The following CLTA variants were observed in gnomAD, a reference collection of about 807,000 sequenced individuals.
CLTA encodes clathrin, light polypeptide (Lca).
CLTA carries 9 observed loss-of-function variants against 26.9 expected under a neutral mutation model. The ratio of observed to expected loss-of-function variants is 0.33; its 90% CI spans 0.20 to 0.58. CLTA has a LOEUF of 0.58. Ranked by LOEUF, CLTA falls within the 20% of genes least tolerant of loss-of-function variation. CLTA has a pLI of 0.85. For synonymous variants in CLTA, 120 were observed against 115.5 expected (o/e 1.04, Z -0.25); for missense variants, 278 against 294.2 (o/e 0.94, Z 0.40).
intron 2 of CLTA, 108 bp downstream of exon 2, chr9:36,197,696 A>G (rs932063275): frequency 3.9e-6 from 3 of 765,152 alleles, no homozygotes; most frequent in Non-Finnish European, 6.5e-6. Flanking sequence ...ACTTTCCTGA[A>G]TGTATTACTG....
Position 36,198,888 on chromosome 9 carries a change from A to C in CLTA, c.256-91A>C, listed in dbSNP as rs537431053. 2.4e-5 allele frequency: 20 copies of C among 845,986 alleles called. No individual in the cohort carries two copies. In the African/African-American group the frequency reaches 2.4e-4, roughly 10 times the overall value. The allele number at this position is 845,986 out of a possible 1,614,324, so 52.4% of individuals were successfully genotyped here. A position where few individuals can be genotyped will look rare whatever the true frequency, so the allele number is the denominator to read the frequency against. On this transcript the variant is annotated intron_variant, in intron 2 of 4. Transcript: ENST00000345519. ...AAACTCTGTCTCAAAAAAAAAAAAA[A>C]AAAACAGAACCAGGGGTTCTAACTC...
intron 1 of CLTA, among the ~76,000 whole-genome samples, chr9:36,197,222 C>CT (rs35928630): frequency 0.028 from 4,242 of 150,218 alleles, 207 homozygotes; most frequent in African/African-American, 0.098. Context: ...CCAGGCCACA[C>CT]TTTTTTTTTT....
intron 3 of CLTA, among the ~76,000 whole-genome samples, chr9:36,199,600 G>A (rs923631970): frequency 2.0e-5 from 3 of 148,316 alleles, no homozygotes; most frequent in East Asian, 2.0e-4. Context: ...ACAGGCGCCC[G>A]CCACTACGTC....
chr9:36,204,174 C>T lies in CLTA; in HGVS notation c.480C>T (p.Asn160=), dbSNP rs1484100572. ...AGCAGCTACAGAAAACAAAAGCAAA[C>T]AACAGGTCAGTCCGTGGTGGTTGTA... ...QDEQLQKTKA[N]NRAAEEAFVN... The change falls in exon 4 of 5, where the codon AAC becomes AAT. Residue 160 remains asparagine (N), a synonymous_variant. Coordinates refer to ENST00000345519, the MANE Select transcript of CLTA (RefSeq NM_001833.4). 6.2e-7 allele frequency: 1 copy of T among 1,613,414 alleles called. No homozygotes were observed. Among genetic ancestry groups the T allele is most frequent in the South Asian group, 1.1e-5 (1 of 90,932 alleles).
chr9:36,201,461 G>T (rs1321184504), intron 3 of CLTA, among the ~76,000 whole-genome samples: 7 of 152,146 alleles, frequency 4.6e-5, no homozygotes, highest in Non-Finnish European at 8.8e-5. Flanking sequence ...AATTAGTATT[G>T]CAGTGGCACT....
At chr9:36,198,328 AC>A (rs752124509) in intron 2 of CLTA, among the ~76,000 whole-genome samples, 1 of 151,576 alleles carries the variant, frequency 6.6e-6, no homozygotes, top group Non-Finnish European at 1.5e-5. Context: ...TCACTGCAGA[AC>A]CCGTTTCTAA....
chr9:36,205,477 G>A (rs1827663042), intron 4 of CLTA, among the ~76,000 whole-genome samples: 1 of 152,136 alleles, frequency 6.6e-6, no homozygotes, highest in Non-Finnish European at 1.5e-5. Context: ...GCCGAGTGGG[G>A]ACTGTGTGCA....
At chr9:36,191,731 G>C (rs572572093) in intron 1 of CLTA, among the ~76,000 whole-genome samples, 70 of 152,328 alleles carry the variant, frequency 4.6e-4, no homozygotes, top group African/African-American at 1.5e-3. Flanking sequence ...AACAAAAGTA[G>C]CAATGCAGTT....
chr9:36,202,480 G>A (rs1423034035), intron 3 of CLTA, among the ~76,000 whole-genome samples: 2 of 152,178 alleles, frequency 1.3e-5, no homozygotes, highest in Non-Finnish European at 2.9e-5. Flanking sequence ...CCAGATCACT[G>A]GTGGTCACGT....
At chr9:36,209,018 G>A (rs1827884839) in intron 4 of CLTA, among the ~76,000 whole-genome samples, 1 of 152,206 alleles carries the variant, frequency 6.6e-6, no homozygotes, top group African/African-American at 2.4e-5. Context: ...TTGCTGGGGT[G>A]AGCCAAAGGG....
rs1828063992 is a variant in CLTA at position 36,211,838 on chromosome 9, A to G, written c.*64A>G. 1 of 1,339,538 alleles carries G rather than the reference A, an allele frequency of 7.5e-7. No homozygotes were observed. Among genetic ancestry groups the G allele is most frequent in the Non-Finnish European group, 1.0e-6 (1 of 958,874 alleles). The allele number at this position is 1,339,538 out of a possible 1,614,324, so 83.0% of individuals were successfully genotyped here. ...AATCCTACTCAGTGAAGCTCTTCACAGTCATTGGATTAATTATGTTGAGTT... is the reference window on the plus strand; with the variant it reads ...AATCCTACTCAGTGAAGCTCTTCACGGTCATTGGATTAATTATGTTGAGTT... On this transcript the variant is annotated 3_prime_UTR_variant, in exon 5 of 5. Coordinates refer to ENST00000345519, the MANE Select transcript of CLTA (RefSeq NM_001833.4).
rs755047437 is a variant in CLTA, at chr9:36,198,990, T to G, written c.267T>G (p.Gly89=). 9 of 1,612,300 alleles carry G rather than the reference T, an allele frequency of 5.6e-6. No individual in the cohort carries two copies. In the East Asian group the frequency reaches 1.6e-4, roughly 28 times the overall value. Residue 89 remains glycine (G), a synonymous_variant, in exon 3 of 5, where the codon GGT becomes GGG. Transcript: ENST00000345519. ...MNGEYYQESN[G]PTDSYAAISQ... ...TGTTTTGTGTTAAGGAAAGTAATGG[T>G]CCAACAGACAGTTATGCAGCTATTT...
At position 36,199,082 on chromosome 9, in the gene CLTA, G is replaced by T. The variant is rs544814204; in HGVS notation, c.359G>T (p.Arg120Leu). The change falls in exon 3 of 5, where the codon CGC becomes CTC. Residue 120 changes from arginine to leucine, a missense_variant. Physicochemically the swap from Arg to Leu is moderately radical, Grantham distance 102 (BLOSUM62 -2). Transcript: ENST00000345519. ...IRKWREEQME[R>L]LEALDANSRK... ...AAATGGAGAGAAGAACAAATGGAAC[G>T]CTTGGAAGCCCTTGGTAAGGAATCC... 6 of 1,611,006 alleles carry T rather than the reference G, an allele frequency of 3.7e-6. No homozygotes were observed. Among genetic ancestry groups the T allele is most frequent in the South Asian group, 3.3e-5 (3 of 91,024 alleles).
In CLTA at chr9:36,197,979, A is replaced by AT. The variant is rs1827151369; in HGVS notation, c.255+393dup. 4.1e-5 allele frequency among the ~76,000 whole-genome samples: 6 copies of AT among 146,496 alleles called. No homozygotes were observed. The South Asian group carries it at 1.3e-3, about 32-fold the overall frequency. On this transcript the variant is annotated intron_variant, in intron 2 of 4. Coordinates refer to ENST00000345519, the MANE Select transcript of CLTA (RefSeq NM_001833.4). ...TGGCATATGGAATAATTTTGTAAAG[A>AT]TTAACATTTATTTGAGTCTTTTTTT...
chr9:36,207,244 G>A (rs1463737022), intron 4 of CLTA, among the ~76,000 whole-genome samples: 1 of 152,220 alleles, frequency 6.6e-6, no homozygotes, highest in Non-Finnish European at 1.5e-5. Context: ...TACAAGAGCT[G>A]TGAATTATTC....
Position 36,197,576 on chromosome 9 carries a change from T to C in CLTA, c.243T>C (p.Gly81=), listed in dbSNP as rs1264070913. The C allele has an allele frequency of 3.1e-6, 5 of 1,610,002 alleles. No individual in the cohort carries two copies. Among genetic ancestry groups the C allele is most frequent in the Non-Finnish European group, 3.4e-6 (4 of 1,177,176 alleles). Residue 81 remains glycine, a synonymous_variant, in exon 2 of 5, where the codon GGT becomes GGC. Transcript: ENST00000345519. The stretch of plus-strand genomic sequence containing the variant: ...ATGCTGTTGATGGAGTAATGAATGG[T>C]GAATACTACCAGGTACAGAGTACTC... The part of the protein sequence containing the change: ...GPDAVDGVMN[G]EYYQESNGPT...
At chr9:36,191,367 T>C in intron 1 of CLTA, 94 bp downstream of exon 1, 1 of 1,356,312 alleles carries the variant, frequency 7.4e-7, no homozygotes, top group Non-Finnish European at 9.6e-7. Context: ...TGCTCCTTGC[T>C]GAATTAGGAG....
At position 36,204,097 on chromosome 9, in the gene CLTA, T is replaced by A. The variant is rs990194393; in HGVS notation, c.403T>A (p.Trp135Arg). ...CAATTCTCGGAAGCAAGAAGCAGAG[T>A]GGAAAGAAAAGGCAATAAAGGAGCT... The part of the protein sequence containing the change: ...DANSRKQEAE[W>R]KEKAIKELEE... The change falls in exon 4 of 5, where the codon TGG (tryptophan) becomes AGG (arginine). Residue 135 changes from tryptophan to arginine, a missense_variant. Coordinates refer to ENST00000345519, the MANE Select transcript of CLTA (RefSeq NM_001833.4). The A allele has an allele frequency of 1.9e-6, 3 of 1,613,812 alleles. No homozygotes were observed. The Admixed American group carries it at 5.0e-5, about 27-fold the overall frequency.
chr9:36,207,840 A>T (rs777456910), intron 4 of CLTA, among the ~76,000 whole-genome samples: 1 of 152,208 alleles, frequency 6.6e-6, no homozygotes. Context: ...GAAATCGATC[A>T]GGTTTAGTCC....
Sources: allele counts gnomAD v4.1 joint callset (sites outside exome capture counted in the v4.1 genomes callset), GRCh38; gene constraint gnomAD v4.1.1; transcripts MANE v1.5; gene names NCBI Gene and HGNC (gene_info 2026-07-23, HGNC 2026-07-21).